The following ACTR3C variants were observed in gnomAD, a reference collection of about 807,000 sequenced individuals.
ACTR3C encodes the protein actin related protein 3C.
Under a neutral mutation model 26.3 loss-of-function variants are expected in ACTR3C, and 18 were observed. That is an observed-to-expected ratio of 0.68 (90% CI 0.47 to 1.01). The LOEUF (loss-of-function observed/expected upper bound fraction) is 1.01. Among genes scored for constraint, ACTR3C ranks in the 50% least tolerant of loss-of-function variants. The pLI is 0.00. For missense variants in ACTR3C, 184 were observed against 250.7 expected (o/e 0.73, Z 1.80); for synonymous variants, 55 against 94.5 (o/e 0.58, Z 2.42).
At chr7:150,285,993 AG>A (rs1359861319) in intron 5 of ACTR3C, among the ~76,000 whole-genome samples, 1 of 152,178 alleles carries the variant, frequency 6.6e-6, no homozygotes, top group African/African-American at 2.4e-5. Context: ...AAAGATAGAA[AG>A]GTTACATATT....
the ACTR3C span, among the ~76,000 whole-genome samples, chr7:150,013,502 A>G: frequency 6.6e-6 from 1 of 152,212 alleles, no homozygotes; most frequent in East Asian, 1.9e-4. Context: ...GTCTTAATGG[A>G]TGAAGCTAAC....
At chr7:150,176,789 C>T in the ACTR3C span, among the ~76,000 whole-genome samples, 1 of 150,702 alleles carries the variant, frequency 6.6e-6, no homozygotes, top group Non-Finnish European at 1.5e-5. Flanking sequence ...ACAGGAAACT[C>T]GGGGATCTTA....
chr7:150,024,266 A>C, the ACTR3C span, among the ~76,000 whole-genome samples: 150,256 of 152,094 alleles, frequency 0.99, 74,251 homozygotes, highest in East Asian at 1. Context: ...AGGGTCCCTG[A>C]ACCTGCAGAT....
At chr7:149,906,548 C>T in the ACTR3C span, among the ~76,000 whole-genome samples, 1 of 149,724 alleles carries the variant, frequency 6.7e-6, no homozygotes, top group Non-Finnish European at 1.5e-5. Context: ...TCTCCTGCCT[C>T]AGCCTCCCGA....
intron 3 of ACTR3C, among the ~76,000 whole-genome samples, chr7:150,290,201 G>A (rs1279665118): frequency 6.6e-6 from 1 of 152,086 alleles, no homozygotes; most frequent in Non-Finnish European, 1.5e-5. Context: ...TGGTTTTGGG[G>A]GCTGGGAGCC....
At chr7:150,084,567 C>T in the ACTR3C span, among the ~76,000 whole-genome samples, 6 of 152,072 alleles carry the variant, frequency 3.9e-5, no homozygotes, top group South Asian at 2.1e-4. Context: ...AGAGAGCCTT[C>T]GGGGCAGAGG....
At chr7:150,028,556 C>T in the ACTR3C span, among the ~76,000 whole-genome samples, 14 of 152,428 alleles carry the variant, frequency 9.2e-5, no homozygotes, top group South Asian at 2.1e-4. Flanking sequence ...AAGACCCGCC[C>T]GGCGCCGAGG....
the ACTR3C span, among the ~76,000 whole-genome samples, chr7:150,076,209 A>C: frequency 2.0e-5 from 3 of 149,844 alleles, no homozygotes; most frequent in African/African-American, 7.3e-5. Context: ...GAGTATTGAC[A>C]TAACAGGAAA....
At chr7:149,882,666 T>A in the ACTR3C span, among the ~76,000 whole-genome samples, 1,296 of 152,318 alleles carry the variant, frequency 8.5e-3, 15 homozygotes, top group African/African-American at 0.03. Context: ...AGTAGGTCTG[T>A]CAAAGATAAA....
In ACTR3C at chr7:150,293,327, G is replaced by C. The variant is rs1016311333; in HGVS notation, c.138C>G (p.Thr46=). Reference sequence around the variant, plus strand: ...TTCTGCTTACCACTGGGATAACATGGGTGACTCCATCTCCGCTGTCAATGA... The same window carrying C: ...TTCTGCTTACCACTGGGATAACATGCGTGACTCCATCTCCGCTGTCAATGA... ...GIVIDSGDGV[T]HVIPVAEGYV... is the part of the protein sequence containing the mutation. Residue 46 remains threonine (T), a synonymous_variant, in exon 3 of 8, where the codon ACC becomes ACG. Transcript: ENST00000683684. The C allele has an allele frequency of 1.9e-6, 3 of 1,590,208 alleles. No homozygotes were observed. The Admixed American group carries it at 5.2e-5, about 28-fold the overall frequency.
intron 5 of ACTR3C, among the ~76,000 whole-genome samples, 174 bp downstream of exon 5, chr7:150,286,193 C>A (rs544111832): frequency 6.6e-6 from 1 of 151,858 alleles, no homozygotes; most frequent in Non-Finnish European, 1.5e-5. Context: ...ACCAGCTCTA[C>A]GGAGAGGCAA....
the ACTR3C span, among the ~76,000 whole-genome samples, chr7:150,097,045 G>C: frequency 1.3e-5 from 2 of 152,202 alleles, no homozygotes; most frequent in African/African-American, 4.8e-5. Flanking sequence ...GGAATAGTCA[G>C]TATTCCTTCT....
At chr7:150,204,804 A>G in the ACTR3C span, among the ~76,000 whole-genome samples, 3 of 146,604 alleles carry the variant, frequency 2.0e-5, no homozygotes, top group Non-Finnish European at 4.5e-5. Flanking sequence ...AGGGAGGACC[A>G]GCGAGTGCAG....
At chr7:150,150,635 C>CTTCCTCCTTTGCTTTTCGGTGTCGTA in the ACTR3C span, among the ~76,000 whole-genome samples, 6 of 138,852 alleles carry the variant, frequency 4.3e-5, 1 homozygote, top group Admixed American at 2.2e-4. Flanking sequence ...TGGTCTGTGG[C>CTTCCTCCTTTGCTTTTCGGTGTCGTA]TTCCTCCTTT....
intron 6 of ACTR3C, among the ~76,000 whole-genome samples, chr7:150,249,984 C>T (rs185323473): frequency 1.6e-4 from 24 of 152,228 alleles, no homozygotes; most frequent in African/African-American, 5.1e-4. Flanking sequence ...CCATTGACAC[C>T]GAACTCGCAG....
intron 6 of ACTR3C, among the ~76,000 whole-genome samples, chr7:150,254,754 C>T (rs1833090246): frequency 6.6e-6 from 1 of 152,196 alleles, no homozygotes; most frequent in Non-Finnish European, 1.5e-5. Flanking sequence ...TGCTCTCCTA[C>T]AGCACCCAAT....
At chr7:150,193,540 C>T in the ACTR3C span, among the ~76,000 whole-genome samples, 1 of 151,164 alleles carries the variant, frequency 6.6e-6, no homozygotes. Context: ...TCTTCTTTTC[C>T]AGCATAAGAA....
At chr7:150,128,465 G>A in the ACTR3C span, among the ~76,000 whole-genome samples, 1 of 151,914 alleles carries the variant, frequency 6.6e-6, no homozygotes, top group African/African-American at 2.4e-5. Context: ...CTGGTGCCTG[G>A]GATTTTGACT....
chr7:150,262,621 C>T (rs1833731638), intron 6 of ACTR3C, among the ~76,000 whole-genome samples: 1 of 152,190 alleles, frequency 6.6e-6, no homozygotes, highest in Non-Finnish European at 1.5e-5. Context: ...AAGAGTTTCC[C>T]AACTGATGTC....
Sources: allele counts gnomAD v4.1 joint callset (sites outside exome capture counted in the v4.1 genomes callset), GRCh38; gene constraint gnomAD v4.1.1; transcripts MANE v1.5; gene names NCBI Gene and HGNC (gene_info 2026-07-23, HGNC 2026-07-21).